Variants in CACNA1B observed in about 807,000 individuals in gnomAD.
The protein encoded by CACNA1B is voltage-dependent N-type calcium channel subunit alpha-1B.
In CACNA1B, 70 loss-of-function variants were observed where a neutral mutation model predicts 247.2. The observed-to-expected ratio is 0.28, with a 90% CI of 0.23 to 0.35. The LOEUF (loss-of-function observed/expected upper bound fraction) is 0.35, where lower values mean the gene tolerates loss of function less well. CACNA1B is among the 10% of genes least tolerant of loss of function. The pLI, the probability that CACNA1B is intolerant of heterozygous loss-of-function variation, is 1.00. For synonymous variants in CACNA1B, 1,231 were observed against 1,294.4 expected (o/e 0.95, Z 1.05); for missense variants, 2,367 against 3,197.4 (o/e 0.74, Z 6.26).
chr9:138,113,836 C>G (rs1961754183), intron 40 of CACNA1B, among the ~76,000 whole-genome samples: 1 of 137,582 alleles, frequency 7.3e-6, no homozygotes. Flanking sequence ...GTGCCCAACT[C>G]CATCTTGTGG....
chr9:138,035,811 A>G (rs898241110), intron 20 of CACNA1B, among the ~76,000 whole-genome samples: 12 of 152,184 alleles, frequency 7.9e-5, no homozygotes, highest in African/African-American at 2.9e-4. Flanking sequence ...TACTCAGCTC[A>G]TGACATTGAG....
At chr9:138,006,973 T>A (rs1958660251) in intron 16 of CACNA1B, 89 bp downstream of exon 16, 2 of 714,844 alleles carry the variant, frequency 2.8e-6, no homozygotes, top group Non-Finnish European at 5.1e-6. Flanking sequence ...CCAGGAGGAC[T>A]AGGGGCCGTG....
In CACNA1B at chr9:138,057,250, A is replaced by G. The variant is rs908600295; in HGVS notation, c.3969-482A>G. ...CCGCGCCCGGCCTTTTTTATTTATT[A>G]GAATAGTTATTTACATATTCTAAAT... On this transcript the variant is annotated intron_variant, in intron 26 of 46. Coordinates refer to ENST00000371372, the MANE Select transcript of CACNA1B (RefSeq NM_000718.4). This position sits in a 1 kb window ranked among gnomAD's most constrained non-coding sequence, Gnocchi z 4.0. 2.6e-5 allele frequency among the ~76,000 whole-genome samples: 4 copies of G among 152,124 alleles called. No homozygotes were observed. The highest frequency in any genetic ancestry group is 5.9e-5 in the Non-Finnish European group (4 of 68,010).
intron 10 of CACNA1B, among the ~76,000 whole-genome samples, chr9:137,968,984 G>T (rs1014792740): frequency 6.6e-6 from 1 of 152,258 alleles, no homozygotes; most frequent in African/African-American, 2.4e-5. Context: ...GTCTCTCTTG[G>T]TTTTCCCAAA....
intron 24 of CACNA1B, chr9:138,049,997 C>G (rs958375497): frequency 4.7e-6 from 5 of 1,069,876 alleles, no homozygotes; most frequent in Non-Finnish European, 5.1e-6. Flanking sequence ...GGGTCCACAT[C>G]TCTCTGAGCG....
chr9:138,112,523 A>C lies in CACNA1B; in HGVS notation c.5536+18A>C. On this transcript the variant is annotated intron_variant, in intron 40 of 46. Coordinates refer to ENST00000371372, the MANE Select transcript of CACNA1B (RefSeq NM_000718.4). ...CCATAAGCGTAAGTGTGAGGGTGAG[A>C]AATGCCCCCAGCCCCCACCTTTACT... 1 of 1,477,556 alleles carries C rather than the reference A, an allele frequency of 6.8e-7. No individual in the cohort carries two copies. Among genetic ancestry groups the C allele is most frequent in the Non-Finnish European group, 9.5e-7 (1 of 1,055,278 alleles). The allele number at this position is 1,477,556 out of a possible 1,614,324, so 91.5% of individuals were successfully genotyped here. A position where few individuals can be genotyped will look rare whatever the true frequency, so the allele number is the denominator to read the frequency against.
Position 138,014,869 on chromosome 9 carries a change from G to A in CACNA1B, c.2267+1634G>A, listed in dbSNP as rs933527886. Among the ~76,000 whole-genome samples, 1 of 151,962 alleles carries A rather than the reference G, an allele frequency of 6.6e-6. No individual in the cohort carries two copies. The highest frequency in any genetic ancestry group is 6.5e-5 in the Admixed American group (1 of 15,276). ...GGCTGCCAGGTCCCTGGCAGTCATG[G>A]AGCCTGAGTCAGGCTGCCTGAAAAG... is the stretch of plus-strand genomic sequence containing the variant. On this transcript the variant is annotated intron_variant, in intron 18 of 46. Coordinates refer to ENST00000371372, the MANE Select transcript of CACNA1B (RefSeq NM_000718.4). This position sits in a 1 kb window ranked among gnomAD's most constrained non-coding sequence, Gnocchi z 6.2.
chr9:138,087,713 C>CAAAAAAAAAAAAAAAAAAAAAAA (rs57138546), intron 36 of CACNA1B, among the ~76,000 whole-genome samples: 1 of 35,458 alleles, frequency 2.8e-5, no homozygotes, highest in Non-Finnish European at 6.5e-5. Context: ...GACTCCGTCT[C>CAAAAAAAAAAAAAAAAAAAAAAA]AAAAAAAAAA....
In CACNA1B at chr9:137,973,753, C is replaced by T. The variant is rs1958184295; in HGVS notation, c.1544-2154C>T. On this transcript the variant is annotated intron_variant, in intron 11 of 46. Coordinates refer to ENST00000371372, the MANE Select transcript of CACNA1B (RefSeq NM_000718.4). The surrounding 1 kb of genome is among the most constrained non-coding windows in gnomAD (Gnocchi z 4.1). ...TGATACAAGAGTGTACGAATGAATG[C>T]CCTTTCTGGGCCTCAGAGTGGAGGC... Among the ~76,000 whole-genome samples the T allele has an allele frequency of 6.6e-6, 1 of 152,194 alleles. No homozygotes were observed. The highest frequency in any genetic ancestry group is 2.1e-4 in the South Asian group (1 of 4,834).
Position 138,058,508 on chromosome 9 carries a change from G to A in CACNA1B, c.4309-61G>A. ...GCCTGGCGAGACAGGGCTGGGTGCAGTAGATGCCGTCGGGTAGGTTTTCTG... is the reference window on the plus strand; with the variant it reads ...GCCTGGCGAGACAGGGCTGGGTGCAATAGATGCCGTCGGGTAGGTTTTCTG... On this transcript the variant is annotated intron_variant, in intron 28 of 46. Transcript: ENST00000371372. This position sits in a 1 kb window ranked among gnomAD's most constrained non-coding sequence, Gnocchi z 4.7. 2.0e-6 allele frequency: 3 copies of A among 1,474,048 alleles called. No homozygotes were observed. The South Asian group carries it at 3.8e-5, about 19-fold the overall frequency. The allele number at this position is 1,474,048 out of a possible 1,614,324, so 91.3% of individuals were successfully genotyped here.
intron 42 of CACNA1B, among the ~76,000 whole-genome samples, chr9:138,116,177 C>G (rs535777495): frequency 1.3e-5 from 2 of 152,348 alleles, no homozygotes; most frequent in South Asian, 2.1e-4. Flanking sequence ...CATCTCCCAC[C>G]CCTTTCTGTC....
intron 20 of CACNA1B, among the ~76,000 whole-genome samples, chr9:138,028,050 T>TTC: frequency 6.8e-6 from 1 of 147,042 alleles, no homozygotes; most frequent in South Asian, 2.2e-4. Flanking sequence ...TTTTTTTTTT[T>TTC]TGAGACTGAG....
Position 137,881,039 on chromosome 9 carries a change from C to T in CACNA1B, c.391-1705C>T, listed in dbSNP as rs927684222. Among the ~76,000 whole-genome samples the T allele has an allele frequency of 1.3e-5, 2 of 152,330 alleles. No homozygotes were observed. Among genetic ancestry groups the T allele is most frequent in the East Asian group, 1.9e-4 (1 of 5,186 alleles). ...AGGGCAGAGCTGTGAGGAGAGGGCTCGGGCTGGGGGCTCCTTCCCAGCTGA... is the reference window on the plus strand; with the variant it reads ...AGGGCAGAGCTGTGAGGAGAGGGCTTGGGCTGGGGGCTCCTTCCCAGCTGA... On this transcript the variant is annotated intron_variant, in intron 2 of 46. Transcript: ENST00000371372. This position sits in a 1 kb window ranked among gnomAD's most constrained non-coding sequence, Gnocchi z 4.3.
intron 10 of CACNA1B, among the ~76,000 whole-genome samples, chr9:137,966,829 C>T (rs1468553831): frequency 6.6e-6 from 1 of 152,182 alleles, no homozygotes; most frequent in Admixed American, 6.5e-5. Flanking sequence ...TGAGCCACCG[C>T]ACCCAGCCAA....
At chr9:138,120,607 TA>T in intron 45 of CACNA1B, 23 bp from the exon 46 acceptor site, 1 of 1,479,914 alleles carries the variant, frequency 6.8e-7, no homozygotes, top group Non-Finnish European at 8.9e-7. Context: ...CTGGCCGTGC[TA>T]ACTTCTTCTC....
At chr9:138,111,049 A>G (rs1961612055) in intron 39 of CACNA1B, among the ~76,000 whole-genome samples, 1 of 152,048 alleles carries the variant, frequency 6.6e-6, no homozygotes, top group Non-Finnish European at 1.5e-5. Flanking sequence ...TCAGAATGAC[A>G]ATACTTAGTG....
intron 31 of CACNA1B, among the ~76,000 whole-genome samples, chr9:138,067,042 G>A (rs1252517287): frequency 6.6e-6 from 1 of 152,302 alleles, no homozygotes; most frequent in Non-Finnish European, 1.5e-5. Context: ...GAGGGGTCAT[G>A]ATGGTAGGTA....
At chr9:137,912,842 A>G (rs569063605) in intron 3 of CACNA1B, among the ~76,000 whole-genome samples, 37 of 152,260 alleles carry the variant, frequency 2.4e-4, no homozygotes, top group Admixed American at 1.3e-4. Flanking sequence ...CTTAAACTCA[A>G]TTGGTAGACA....
At chr9:138,046,726 G>C (rs1374895949) in intron 21 of CACNA1B, among the ~76,000 whole-genome samples, 178 bp from the exon 22 acceptor site, 1 of 152,244 alleles carries the variant, frequency 6.6e-6, no homozygotes, top group Non-Finnish European at 1.5e-5. Flanking sequence ...CTCAGCCACT[G>C]TCCGTCACCT....
Sources: gnomAD v4.1 joint callset for allele counts (sites outside exome capture counted in the v4.1 genomes callset) on GRCh38, gnomAD v4.1.1 for gene constraint, Gnocchi (gnomAD v3.1) non-coding constraint, MANE v1.5 for transcripts, NCBI Gene and HGNC (gene_info 2026-07-23, HGNC 2026-07-21) for gene names.